Variants in VIPR1 observed in about 807,000 individuals in gnomAD.
VIPR1 encodes vasoactive intestinal polypeptide receptor 1.
VIPR1 carries 59 observed loss-of-function variants against 58.8 expected under a neutral mutation model. That is an observed-to-expected ratio of 1.00 (90% CI 0.81 to 1.25). The LOEUF is 1.25. Among genes scored for constraint, VIPR1 ranks in the 50% most tolerant of loss-of-function variants. The pLI, the probability that VIPR1 is intolerant of heterozygous loss-of-function variation, is 0.00. For missense variants in VIPR1, 626 were observed against 602.7 expected, an observed-to-expected ratio of 1.04 and a Z score of -0.40; for synonymous variants, 251 against 242.1, an observed-to-expected ratio of 1.04 and a Z score of -0.34.
chr3:42,527,874 T>G (rs1701317657), intron 5 of VIPR1, 117 bp from the exon 6 acceptor site: 9 of 1,416,898 alleles, frequency 6.4e-6, no homozygotes, highest in Middle Eastern at 2.5e-4. Context: ...AGGCGGGGCC[T>G]GCCCTCTGGA....
At chr3:42,494,739 C>T (rs906511629) in intron 1 of VIPR1, among the ~76,000 whole-genome samples, 18 of 152,234 alleles carry the variant, frequency 1.2e-4, no homozygotes, top group African/African-American at 4.3e-4. Context: ...TTTATAGTTA[C>T]TAATTCCTTC....
rs545698336 is a variant in VIPR1 at position 42,531,253 on chromosome 3, C to T, written c.791-218C>T. The stretch of plus-strand genomic sequence containing the variant: ...CTGTCACAATTAGAAAGAGAATGTC[C>T]GTCTAGGTAGACACAGCCCTTCAGG... On this transcript the variant is annotated intron_variant, in intron 7 of 12. Coordinates refer to ENST00000325123, the MANE Select transcript of VIPR1 (RefSeq NM_004624.4). 5.6e-4 allele frequency: 347 copies of T among 618,912 alleles called. 1 individual carries two copies. Among genetic ancestry groups the T allele is most frequent in the Middle Eastern group, 1.8e-3 (7 of 3,930 alleles). 38.3% of individuals were successfully genotyped at this position (618,912 alleles called of 1,614,324 possible). A position where few individuals can be genotyped will look rare whatever the true frequency, so the allele number is the denominator to read the frequency against.
intron 1 of VIPR1, chr3:42,512,756 G>T (rs1457675637): frequency 5.3e-5 from 52 of 985,356 alleles, no homozygotes; most frequent in Admixed American, 1.2e-4. Context: ...CCCAGGCAGA[G>T]ATGAGGAAAC....
At chr3:42,504,053 G>T (rs1295074665) in intron 1 of VIPR1, among the ~76,000 whole-genome samples, 1 of 152,130 alleles carries the variant, frequency 6.6e-6, no homozygotes, top group Non-Finnish European at 1.5e-5. Flanking sequence ...CTCCACCCAT[G>T]ACAGCCATGA....
intron 3 of VIPR1, among the ~76,000 whole-genome samples, chr3:42,521,760 T>C (rs1559489270): frequency 6.6e-6 from 1 of 152,110 alleles, no homozygotes. Flanking sequence ...ATTTTATTAA[T>C]GTTTTGAGAT....
rs1262744502 is a variant in VIPR1 at position 42,536,153 on chromosome 3, C to T, written c.1246C>T (p.Pro416Ser). 1.2e-6 allele frequency: 2 copies of T among 1,608,208 alleles called. No individual in the cohort carries two copies. The highest frequency in any genetic ancestry group is 1.7e-6 in the Non-Finnish European group (2 of 1,177,914). The change falls in exon 13 of 13, where the codon CCC (proline) becomes TCC (serine). Residue 416 changes from proline to serine, a missense_variant. Coordinates refer to ENST00000325123, the MANE Select transcript of VIPR1 (RefSeq NM_004624.4). ...CCTGCAGGGCGTCCTGGGCTGGAAC[C>T]CCAAATACCGGCACCCGTCGGGAGG... ...WHLQGVLGWN[P>S]KYRHPSGGSN...
chr3:42,506,552 G>T (rs1425497446), intron 1 of VIPR1: 1 of 151,946 alleles, frequency 6.6e-6, no homozygotes, highest in Non-Finnish European at 1.5e-5. Flanking sequence ...TTTTGAGATG[G>T]AGTCTTGCTC....
At chr3:42,502,028 G>A (rs937967371), upstream of VIPR1, 2 of 152,270 alleles carry the variant, frequency 1.3e-5, no homozygotes, top group Non-Finnish European at 2.9e-5. Flanking sequence ...ACCCAGAGTC[G>A]GGCCTCTTTC....
chr3:42,527,306 G>C (rs1701284046), intron 4 of VIPR1, 87 bp from the exon 5 acceptor site: 1 of 1,280,212 alleles, frequency 7.8e-7, no homozygotes, highest in African/African-American at 1.5e-5. Flanking sequence ...GGCAGGCAGA[G>C]TGTGTAGGGC....
upstream of VIPR1, among the ~76,000 whole-genome samples, chr3:42,500,869 G>T (rs1322269690): frequency 6.6e-6 from 1 of 152,172 alleles, no homozygotes; most frequent in Non-Finnish European, 1.5e-5. Context: ...CTAAGGAAAG[G>T]CCTGTGTCCA....
At chr3:42,496,109 T>C (rs910650120) in intron 1 of VIPR1, among the ~76,000 whole-genome samples, 1 of 152,082 alleles carries the variant, frequency 6.6e-6, no homozygotes, top group Non-Finnish European at 1.5e-5. Flanking sequence ...TGGTGGCGTG[T>C]GCCTGTAATC....
At position 42,523,092 on chromosome 3, in the gene VIPR1, C is replaced by CCG. The variant is rs200769128; in HGVS notation, c.293-2794_293-2793insGC. Among the ~76,000 whole-genome samples the CCG allele has an allele frequency of 5.6e-3, 844 of 151,500 alleles. 25 individuals carry two copies. The highest frequency in any genetic ancestry group is 0.019 in the African/African-American group (796 of 41,162). On this transcript the variant is annotated intron_variant, in intron 3 of 12. Coordinates refer to ENST00000325123, the MANE Select transcript of VIPR1 (RefSeq NM_004624.4). ...CACTGTTGCATGCCCTGACCCCGCC[C>CCG]CCAGTGGAGTGTCCTTCCCAGCACA...
Position 42,536,403 on chromosome 3 carries a change from C to T in VIPR1, c.*122C>T. 2 of 1,103,942 alleles carry T rather than the reference C, an allele frequency of 1.8e-6. No homozygotes were observed. Among genetic ancestry groups the T allele is most frequent in the South Asian group, 1.7e-5 (1 of 58,068 alleles). 68.4% of individuals were successfully genotyped at this position (1,103,942 alleles called of 1,614,324 possible). A position where few individuals can be genotyped will look rare whatever the true frequency, so the allele number is the denominator to read the frequency against. ...CCCGGCCCTGGGCTCGGAGGCTGCC[C>T]CCGGCCCCCTGGTCTCTGGTCCGGA... On this transcript the variant is annotated 3_prime_UTR_variant, in exon 13 of 13. Coordinates refer to ENST00000325123, the MANE Select transcript of VIPR1 (RefSeq NM_004624.4).
At chr3:42,512,986 TGATCCCTGGCCAG>T (rs11270738) in intron 1 of VIPR1, 131,436 of 981,294 alleles carry the variant, frequency 0.13, 9,868 homozygotes, top group East Asian at 0.36. Context: ...GGCCCACCCC[TGATCCCTGGCCAG>T]GGTACAGGGA....
rs576965855 is a variant in VIPR1 at position 42,513,637 on chromosome 3, A to G, written c.79-112A>G. 1,242 of 1,146,960 alleles carry G rather than the reference A, an allele frequency of 1.1e-3. 1 individual carries two copies. Among genetic ancestry groups the G allele is most frequent in the Middle Eastern group, 2.1e-3 (7 of 3,408 alleles). The allele number at this position is 1,146,960 out of a possible 1,614,324, so 71.0% of individuals were successfully genotyped here. A position where few individuals can be genotyped will look rare whatever the true frequency, so the allele number is the denominator to read the frequency against. On this transcript the variant is annotated intron_variant, in intron 1 of 12. Transcript: ENST00000325123. ...AGTCTTGGGTTGGTATTGGGGTTCC[A>G]TCTGGAACTTGGATCTCTTCCAGGG...
In VIPR1 at chr3:42,530,944, G is replaced by A. The variant is rs768101449; in HGVS notation, c.790+12G>A. 6.2e-7 allele frequency: 1 copy of A among 1,613,694 alleles called. No homozygotes were observed. The highest frequency in any genetic ancestry group is 8.5e-7 in the Non-Finnish European group (1 of 1,179,720). On this transcript the variant is annotated intron_variant, in intron 7 of 12. Transcript: ENST00000325123. ...ACTCATCGGCTGGGGTATGGTACCAGGGAGGGCTTCCAGGCTGGGGACAGA... is the reference window on the plus strand; with the variant it reads ...ACTCATCGGCTGGGGTATGGTACCAAGGAGGGCTTCCAGGCTGGGGACAGA...
Position 42,514,050 on chromosome 3 carries a change from C to T in VIPR1, c.184+196C>T, listed in dbSNP as rs189427166. 1.3e-3 allele frequency among the ~76,000 whole-genome samples: 199 copies of T among 152,248 alleles called. 1 individual carries two copies. The highest frequency in any genetic ancestry group is 4.5e-3 in the African/African-American group (187 of 41,548). On this transcript the variant is annotated intron_variant, in intron 2 of 12. Transcript: ENST00000325123. ...ACCCCAGGTCTGGGGAGCTCCCAGC[C>T]GCAGCTAAGGAGGACATACTAAATT...
chr3:42,509,660 G>A (rs1218399996), intron 1 of VIPR1: 2 of 152,256 alleles, frequency 1.3e-5, no homozygotes, highest in African/African-American at 4.8e-5. Context: ...TTTGGGGCAG[G>A]AGTTCCTAAG....
Position 42,535,379 on chromosome 3 carries a change from G to T in VIPR1, c.1177G>T (p.Gly393Cys). ...GGCTATCCTCTACTGCTTCCTCAATGGTGAGGTAAGCCCCTCCCAGTCCTT... is the reference window on the plus strand; with the variant it reads ...GGCTATCCTCTACTGCTTCCTCAATTGTGAGGTAAGCCCCTCCCAGTCCTT... Reference protein sequence around the residue: ...VVAILYCFLNGEVQAELRRKW... With the variant: ...VVAILYCFLNCEVQAELRRKW... The change falls in exon 12 of 13, where the codon GGT (glycine) becomes TGT (cysteine). Residue 393 changes from glycine (G) to cysteine (C), a missense_variant. By Grantham distance (159) the Gly-to-Cys change is radical. Coordinates refer to ENST00000325123, the MANE Select transcript of VIPR1 (RefSeq NM_004624.4). 1 of 1,614,070 alleles carries T rather than the reference G, an allele frequency of 6.2e-7. No homozygotes were observed. The highest frequency in any genetic ancestry group is 8.5e-7 in the Non-Finnish European group (1 of 1,179,992).
Sources: allele counts gnomAD v4.1 joint callset (sites outside exome capture counted in the v4.1 genomes callset), GRCh38; gene constraint gnomAD v4.1.1; transcripts MANE v1.5; gene names NCBI Gene and HGNC (gene_info 2026-07-23, HGNC 2026-07-21).